Variants in CDK5R1 observed in about 807,000 individuals in gnomAD.
CDK5R1 encodes cyclin-dependent kinase 5 activator 1.
In CDK5R1, 1 loss-of-function variant was observed where a neutral mutation model predicts 19.0. That is an observed-to-expected ratio of 0.05 (90% confidence interval 0.02 to 0.25). The LOEUF (loss-of-function observed/expected upper bound fraction) is 0.25, where lower values mean the gene tolerates loss of function less well. Among genes scored for constraint, CDK5R1 ranks in the 10% least tolerant of loss-of-function variants. The pLI is 1.00. For missense variants in CDK5R1, 314 were observed against 401.0 expected (o/e 0.78, Z 1.85); for synonymous variants, 225 against 187.7 (o/e 1.20, Z -1.62).
chr17:32,488,681 T>C lies in CDK5R1; in HGVS notation c.*137T>C, dbSNP rs919537365. On this transcript the variant is annotated 3_prime_UTR_variant, in exon 2 of 2. Transcript: ENST00000313401. ...TCCCACAGTCTCTCCCTGGGGTTTTTTTCATCCCTGCCAAGAACTCTGGGC... is the reference window on the plus strand; with the variant it reads ...TCCCACAGTCTCTCCCTGGGGTTTTCTTCATCCCTGCCAAGAACTCTGGGC... 4 of 1,483,274 alleles carry C rather than the reference T, an allele frequency of 2.7e-6. No individual in the cohort carries two copies. In the African/African-American group the frequency reaches 5.6e-5, roughly 21 times the overall value. The allele number at this position is 1,483,274 out of a possible 1,614,324, so 91.9% of individuals were successfully genotyped here. A position where few individuals can be genotyped will look rare whatever the true frequency, so the allele number is the denominator to read the frequency against.
In CDK5R1 at chr17:32,490,709, G is replaced by A. The variant is rs1908841526; in HGVS notation, c.*2165G>A. On this transcript the variant is annotated 3_prime_UTR_variant, in exon 2 of 2. Coordinates refer to ENST00000313401, the MANE Select transcript of CDK5R1 (RefSeq NM_003885.3). Reference sequence around the variant, plus strand: ...ACAAAAAAACCTTTATTCTTTAATTGTTGCTTTTACGGTGATATTGTGCAT... The same window carrying A: ...ACAAAAAAACCTTTATTCTTTAATTATTGCTTTTACGGTGATATTGTGCAT... The A allele has an allele frequency of 6.0e-6, 1 of 166,976 alleles. No homozygotes were observed. The highest frequency in any genetic ancestry group is 2.1e-4 in the South Asian group (1 of 4,832). The allele number at this position is 166,976 out of a possible 1,614,324, so 10.3% of individuals were successfully genotyped here.
rs1339273172 is a variant in CDK5R1 at position 32,489,188 on chromosome 17, AC to A, written c.*649del. On this transcript the variant is annotated 3_prime_UTR_variant, in exon 2 of 2. Transcript: ENST00000313401. ...GTGGAGAAATGGAACTCGCCCCCCTACCCCCTTGTCTGCTGCTCCCAGCCAC... is the reference window on the plus strand; with the variant it reads ...GTGGAGAAATGGAACTCGCCCCCCTACCCCTTGTCTGCTGCTCCCAGCCAC... The A allele has an allele frequency of 2.1e-6, 1 of 470,432 alleles. No homozygotes were observed. Among genetic ancestry groups the A allele is most frequent in the Non-Finnish European group, 4.4e-6 (1 of 226,920 alleles). 29.1% of individuals were successfully genotyped at this position (470,432 alleles called of 1,614,324 possible).
Position 32,487,575 on chromosome 17 carries a change from C to G in CDK5R1, c.-46C>G. On this transcript the variant is annotated 5_prime_UTR_variant, in exon 2 of 2. Coordinates refer to ENST00000313401, the MANE Select transcript of CDK5R1 (RefSeq NM_003885.3). This position sits in a 1 kb window ranked among gnomAD's most constrained non-coding sequence, Gnocchi z 7.9. Reference sequence around the variant, plus strand: ...CGGTTTTATCCCTCCGGCCGGCAGGCTGGGCGCGCAGGGGCGCGAGCCCCC... The same window carrying G: ...CGGTTTTATCCCTCCGGCCGGCAGGGTGGGCGCGCAGGGGCGCGAGCCCCC... The G allele has an allele frequency of 6.5e-7, 1 of 1,529,036 alleles. No individual in the cohort carries two copies. Among genetic ancestry groups the G allele is most frequent in the South Asian group, 1.2e-5 (1 of 86,148 alleles). 94.7% of individuals were successfully genotyped at this position (1,529,036 alleles called of 1,614,324 possible).
rs1908707278 is a variant in CDK5R1 at position 32,487,399 on chromosome 17, G to T, written c.-145-77G>T. 1 of 306,154 alleles carries T rather than the reference G, an allele frequency of 3.3e-6. No individual in the cohort carries two copies. 19.0% of individuals were successfully genotyped at this position (306,154 alleles called of 1,614,324 possible). The stretch of plus-strand genomic sequence containing the variant: ...CTGGGGCGGCGGGGTGCGCCGAGGC[G>T]CGGGGCGGAGGGGCGCAGGGGCGCA... On this transcript the variant is annotated intron_variant, in intron 1 of 1. Transcript: ENST00000313401. The surrounding 1 kb of genome is among the most constrained non-coding windows in gnomAD (Gnocchi z 7.9).
chr17:32,488,399 G>A lies in CDK5R1; in HGVS notation c.779G>A (p.Arg260His). The A allele has an allele frequency of 6.2e-7, 1 of 1,613,894 alleles. No homozygotes were observed. Among genetic ancestry groups the A allele is most frequent in the Non-Finnish European group, 8.5e-7 (1 of 1,180,010 alleles). Residue 260 changes from arginine (R) to histidine (H), a missense_variant, in exon 2 of 2, where the codon CGT becomes CAT. Transcript: ENST00000313401. Reference sequence around the variant, plus strand: ...AGCTGCAAGGAGGCCTTTTGGGACCGTTGCCTCTCTGTCATCAACCTCATG... The same window carrying A: ...AGCTGCAAGGAGGCCTTTTGGGACCATTGCCTCTCTGTCATCAACCTCATG... Reference protein sequence around the residue: ...VESCKEAFWDRCLSVINLMSS... With the variant: ...VESCKEAFWDHCLSVINLMSS...
chr17:32,489,122 A>C lies in CDK5R1; in HGVS notation c.*578A>C, dbSNP rs1425489325. The stretch of plus-strand genomic sequence containing the variant: ...GGTCGTTTGACCACACACCGCCCTG[A>C]TTTGCTGTTTTCTTTTTTTAGGGAG... On this transcript the variant is annotated 3_prime_UTR_variant, in exon 2 of 2. Transcript: ENST00000313401. 4.2e-6 allele frequency: 2 copies of C among 470,822 alleles called. No homozygotes were observed. The highest frequency in any genetic ancestry group is 8.8e-6 in the Non-Finnish European group (2 of 226,978). 29.2% of individuals were successfully genotyped at this position (470,822 alleles called of 1,614,324 possible).
rs538924341 is a variant in CDK5R1 at position 32,489,244 on chromosome 17, G to C, written c.*700G>C. The C allele has an allele frequency of 4.7e-5, 22 of 471,146 alleles. No homozygotes were observed. The highest frequency in any genetic ancestry group is 4.4e-4 in the African/African-American group (22 of 50,214). 29.2% of individuals were successfully genotyped at this position (471,146 alleles called of 1,614,324 possible). ...GTGGTATTGGCCGATGAGCTGGTTT[G>C]ACTCATTAATTTCTCTCAATTTGGG... On this transcript the variant is annotated 3_prime_UTR_variant, in exon 2 of 2. Coordinates refer to ENST00000313401, the MANE Select transcript of CDK5R1 (RefSeq NM_003885.3).
rs1052234114 is a variant in CDK5R1, at chr17:32,489,676, T to C, written c.*1132T>C. On this transcript the variant is annotated 3_prime_UTR_variant, in exon 2 of 2. Transcript: ENST00000313401. ...CCTGATTGCTCTGGAAGCCTGCTGA[T>C]TTCTACAACTGATCATTTGCAGCTG... The C allele has an allele frequency of 5.9e-6, 1 of 168,710 alleles. No individual in the cohort carries two copies. Among genetic ancestry groups the C allele is most frequent in the Non-Finnish European group, 1.4e-5 (1 of 69,120 alleles). The allele number at this position is 168,710 out of a possible 1,614,324, so 10.5% of individuals were successfully genotyped here.
Position 32,488,493 on chromosome 17 carries a change from C to A in CDK5R1, c.873C>A (p.Asn291Lys). 1 of 1,614,196 alleles carries A rather than the reference C, an allele frequency of 6.2e-7. No individual in the cohort carries two copies. Among genetic ancestry groups the A allele is most frequent in the South Asian group, 1.1e-5 (1 of 91,086 alleles). The change falls in exon 2 of 2, where the codon AAC becomes AAA. Residue 291 changes from asparagine to lysine, a missense_variant. Asn to Lys is a moderately conservative substitution (Grantham distance 94, BLOSUM62 0). Transcript: ENST00000313401. ...YFTQVFSDLK[N>K]ESGQEDKKRL... ...CACAGGTCTTCTCCGACCTGAAGAA[C>A]GAGAGCGGCCAGGAGGACAAGAAGC...
rs1188979856 is a variant in CDK5R1, at chr17:32,488,437, C to T, written c.817C>T (p.Leu273=). ...CATCAACCTCATGAGCTCAAAGATG[C>T]TGCAGATAAATGCCGACCCACACTA... is the stretch of plus-strand genomic sequence containing the variant. ...SVINLMSSKM[L]QINADPHYFT... Residue 273 remains leucine (L), a synonymous_variant, in exon 2 of 2, where the codon CTG becomes TTG. Coordinates refer to ENST00000313401, the MANE Select transcript of CDK5R1 (RefSeq NM_003885.3). The T allele has an allele frequency of 6.2e-7, 1 of 1,614,144 alleles. No homozygotes were observed. The highest frequency in any genetic ancestry group is 1.1e-5 in the South Asian group (1 of 91,078).
Position 32,487,478 on chromosome 17 carries a change from A to G in CDK5R1, c.-143A>G. On this transcript the variant is annotated splice_region_variant and 5_prime_UTR_variant, in exon 2 of 2. Coordinates refer to ENST00000313401, the MANE Select transcript of CDK5R1 (RefSeq NM_003885.3). The surrounding 1 kb of genome is among the most constrained non-coding windows in gnomAD (Gnocchi z 7.9). The stretch of plus-strand genomic sequence containing the variant: ...CTAAGAACCATCTTGTTTTCCAGGC[A>G]GATCCAAGGGGGCAGCACGCTTCCC... The G allele has an allele frequency of 3.3e-6, 2 of 597,104 alleles. No individual in the cohort carries two copies. Among genetic ancestry groups the G allele is most frequent in the South Asian group, 2.1e-5 (1 of 48,258 alleles). The allele number at this position is 597,104 out of a possible 1,614,324, so 37.0% of individuals were successfully genotyped here.
Position 32,489,903 on chromosome 17 carries a change from A to C in CDK5R1, c.*1359A>C, listed in dbSNP as rs995810519. The C allele has an allele frequency of 7.8e-5, 13 of 167,080 alleles. No individual in the cohort carries two copies. The highest frequency in any genetic ancestry group is 2.7e-4 in the African/African-American group (11 of 41,462). 10.3% of individuals were successfully genotyped at this position (167,080 alleles called of 1,614,324 possible). On this transcript the variant is annotated 3_prime_UTR_variant, in exon 2 of 2. Transcript: ENST00000313401. ...GGATTCTGTCTTCCAGGCCCAGTCC[A>C]CTGGGGAGTGCTGGAATGGGGACCT...
rs1272710553 is a variant in CDK5R1, at chr17:32,487,400, C to CGGGGCGGA, written c.-145-69_-145-62dup. The CGGGGCGGA allele has an allele frequency of 3.2e-5, 10 of 309,586 alleles. No homozygotes were observed. Among genetic ancestry groups the CGGGGCGGA allele is most frequent in the South Asian group, 1.0e-4 (1 of 9,776 alleles). 19.2% of individuals were successfully genotyped at this position (309,586 alleles called of 1,614,324 possible). A position where few individuals can be genotyped will look rare whatever the true frequency, so the allele number is the denominator to read the frequency against. ...TGGGGCGGCGGGGTGCGCCGAGGCGCGGGGCGGAGGGGCGCAGGGGCGCAG... is the reference window on the plus strand; with the variant it reads ...TGGGGCGGCGGGGTGCGCCGAGGCGCGGGGCGGAGGGGCGGAGGGGCGCAGGGGCGCAG... On this transcript the variant is annotated intron_variant, in intron 1 of 1. Coordinates refer to ENST00000313401, the MANE Select transcript of CDK5R1 (RefSeq NM_003885.3). This position sits in a 1 kb window ranked among gnomAD's most constrained non-coding sequence, Gnocchi z 7.9.
In CDK5R1 at chr17:32,489,641, G is replaced by C. The variant is rs1480614555; in HGVS notation, c.*1097G>C. 5.8e-6 allele frequency: 1 copy of C among 173,188 alleles called. No homozygotes were observed. Among genetic ancestry groups the C allele is most frequent in the African/African-American group, 2.4e-5 (1 of 41,748 alleles). 10.7% of individuals were successfully genotyped at this position (173,188 alleles called of 1,614,324 possible). ...ATCTTGGAGACAATTACAAGACGGGGAGTGAGACTCCTGATTGCTCTGGAA... is the reference window on the plus strand; with the variant it reads ...ATCTTGGAGACAATTACAAGACGGGCAGTGAGACTCCTGATTGCTCTGGAA... On this transcript the variant is annotated 3_prime_UTR_variant, in exon 2 of 2. Transcript: ENST00000313401.
chr17:32,488,633 A>G lies in CDK5R1; in HGVS notation c.*89A>G. ...GTTTTGTGTACAGTATGTGTCTAGC[A>G]AAGCCACCAAGGGCCTCACCTTTCC... On this transcript the variant is annotated 3_prime_UTR_variant, in exon 2 of 2. Transcript: ENST00000313401. 1 of 1,569,536 alleles carries G rather than the reference A, an allele frequency of 6.4e-7. No homozygotes were observed. The highest frequency in any genetic ancestry group is 2.1e-4 in the Middle Eastern group (1 of 4,762).
chr17:32,489,356 C>CA lies in CDK5R1; in HGVS notation c.*815dup. 1 of 459,208 alleles carries CA rather than the reference C, an allele frequency of 2.2e-6. No individual in the cohort carries two copies. Among genetic ancestry groups the CA allele is most frequent in the Non-Finnish European group, 4.6e-6 (1 of 218,750 alleles). The allele number at this position is 459,208 out of a possible 1,614,324, so 28.4% of individuals were successfully genotyped here. ...ATAATGTAGTGCAGTCACCCTGTGGCAAATGCCAGGACAGCTGCAGGTGCC... is the reference window on the plus strand; with the variant it reads ...ATAATGTAGTGCAGTCACCCTGTGGCAAAATGCCAGGACAGCTGCAGGTGCC... On this transcript the variant is annotated 3_prime_UTR_variant, in exon 2 of 2. Coordinates refer to ENST00000313401, the MANE Select transcript of CDK5R1 (RefSeq NM_003885.3).
At position 32,487,083 on chromosome 17, in the gene CDK5R1, C is replaced by A; in HGVS notation, c.-225C>A. On this transcript the variant is annotated 5_prime_UTR_variant, in exon 1 of 2. Coordinates refer to ENST00000313401, the MANE Select transcript of CDK5R1 (RefSeq NM_003885.3). This position sits in a 1 kb window ranked among gnomAD's most constrained non-coding sequence, Gnocchi z 7.9. ...ATCCCCGCCGAGCGCCCCCGAGCGC[C>A]GCCGAGCGCCGGGACCGCGGCGGCG... The A allele has an allele frequency of 6.9e-6, 1 of 145,358 alleles. No individual in the cohort carries two copies. Among genetic ancestry groups the A allele is most frequent in the South Asian group, 1.9e-4 (1 of 5,280 alleles). 9.0% of individuals were successfully genotyped at this position (145,358 alleles called of 1,614,324 possible). A position where few individuals can be genotyped will look rare whatever the true frequency, so the allele number is the denominator to read the frequency against.
chr17:32,488,660 A>G lies in CDK5R1; in HGVS notation c.*116A>G. 3.3e-6 allele frequency: 5 copies of G among 1,530,862 alleles called. No homozygotes were observed. Among genetic ancestry groups the G allele is most frequent in the Non-Finnish European group, 3.5e-6 (4 of 1,130,274 alleles). 94.8% of individuals were successfully genotyped at this position (1,530,862 alleles called of 1,614,324 possible). A position where few individuals can be genotyped will look rare whatever the true frequency, so the allele number is the denominator to read the frequency against. On this transcript the variant is annotated 3_prime_UTR_variant, in exon 2 of 2. Coordinates refer to ENST00000313401, the MANE Select transcript of CDK5R1 (RefSeq NM_003885.3). ...AGCCACCAAGGGCCTCACCTTTCCC[A>G]CAGTCTCTCCCTGGGGTTTTTTTCA...
In CDK5R1 at chr17:32,487,965, G is replaced by C. The variant is rs769714784; in HGVS notation, c.345G>C (p.Ser115=). The C allele has an allele frequency of 4.3e-6, 7 of 1,613,248 alleles. No homozygotes were observed. The highest frequency in any genetic ancestry group is 5.9e-6 in the Non-Finnish European group (7 of 1,179,922). Residue 115 remains serine (S), a synonymous_variant, in exon 2 of 2, where the codon TCG becomes TCC. Transcript: ENST00000313401. This position sits in a 1 kb window ranked among gnomAD's most constrained non-coding sequence, Gnocchi z 7.9. ...CTGCACCCCCGGCCAGCCAGCTCTCGGGTTCCCAGACCGGGGGCTCCTCCT... is the reference window on the plus strand; with the variant it reads ...CTGCACCCCCGGCCAGCCAGCTCTCCGGTTCCCAGACCGGGGGCTCCTCCT... ...QPPAPPASQL[S]GSQTGGSSSV...
Sources: gnomAD v4.1 joint callset for allele counts on GRCh38, gnomAD v4.1.1 for gene constraint, Gnocchi (gnomAD v3.1) non-coding constraint, MANE v1.5 for transcripts, NCBI Gene and HGNC (gene_info 2026-07-23, HGNC 2026-07-21) for gene names.